The following NHSL2 variants were observed in gnomAD, a reference collection of about 807,000 sequenced individuals.
The protein encoded by NHSL2 is NHS-like protein 2.
A neutral mutation model predicts 53.4 loss-of-function variants in NHSL2; 27 were observed. That is an observed-to-expected ratio of 0.51 (90% CI 0.37 to 0.70). The LOEUF (loss-of-function observed/expected upper bound fraction) is 0.70. Ranked by LOEUF, NHSL2 falls within the 30% of genes least tolerant of loss-of-function variation. The probability of loss-of-function intolerance (pLI) is 0.00; values close to 1 mark genes in which losing one functional copy is unlikely to be tolerated. For synonymous variants in NHSL2, 408 were observed against 404.1 expected (o/e 1.01, Z -0.12); for missense variants, 892 against 980.1 (o/e 0.91, Z 1.20).
intron 1 of NHSL2, among the ~76,000 whole-genome samples, chrX:72,085,113 C>T (rs913423210): frequency 9.0e-6 from 1 of 111,400 alleles, no homozygotes; most frequent in Non-Finnish European, 1.9e-5. Flanking sequence ...AATTATTGTC[C>T]TCACCCTAAA....
rs750228555 is a variant in NHSL2, at chrX:71,930,328, G to A, written c.280+18961G>A. Among the ~76,000 whole-genome samples, 5 of 112,216 alleles carry A rather than the reference G, an allele frequency of 4.5e-5. No individual in the cohort carries two copies. The Admixed American group carries it at 4.7e-4, about 11-fold the overall frequency. On this transcript the variant is annotated intron_variant, in intron 1 of 7. Coordinates refer to ENST00000633930, the MANE Select transcript of NHSL2 (RefSeq NM_001013627.3). ...TGGAACACTCATTCCCCAACTCTTA[G>A]TATGACTGGCTCATTCTTAGCCTTT...
chrX:71,951,146 C>T (rs1313215580), intron 1 of NHSL2, among the ~76,000 whole-genome samples: 2 of 110,476 alleles, frequency 1.8e-5, no homozygotes, highest in Non-Finnish European at 3.8e-5. Context: ...ATTTTATTTG[C>T]AAATTGACAA....
At chrX:72,117,903 G>A (rs1326039213) in intron 1 of NHSL2, among the ~76,000 whole-genome samples, 1 of 107,568 alleles carries the variant, frequency 9.3e-6, no homozygotes, top group Non-Finnish European at 1.9e-5. Context: ...CCACTTGTTG[G>A]GTATGGTGAA....
chrX:72,131,026 G>A lies in NHSL2; in HGVS notation c.281-1053G>A, dbSNP rs1211871063. 3.3e-6 allele frequency: 4 copies of A among 1,208,670 alleles called. No homozygotes were observed. In the East Asian group the frequency reaches 8.9e-5, roughly 27 times the overall value. Reference sequence around the variant, plus strand: ...ATGAACCTCATGGTCGGCTATGAAGGTCTCTAGCTGCATCAGGAATTCAGC... The same window carrying A: ...ATGAACCTCATGGTCGGCTATGAAGATCTCTAGCTGCATCAGGAATTCAGC... On this transcript the variant is annotated intron_variant, in intron 1 of 7. Coordinates refer to ENST00000633930, the MANE Select transcript of NHSL2 (RefSeq NM_001013627.3).
chrX:72,113,435 G>C (rs984285230), intron 1 of NHSL2, among the ~76,000 whole-genome samples: 1 of 111,710 alleles, frequency 9.0e-6, no homozygotes, highest in African/African-American at 3.3e-5. Flanking sequence ...AGGTTCAAGA[G>C]GCCAAAGAGG....
intron 1 of NHSL2, among the ~76,000 whole-genome samples, chrX:71,990,060 CAT>C (rs1269160211): frequency 2.7e-5 from 3 of 112,423 alleles, no homozygotes; most frequent in African/African-American, 9.7e-5. Flanking sequence ...GTCATAGACA[CAT>C]GTGGGAAATT....
rs144214251 is a variant in NHSL2, at chrX:72,140,637, G to A, written c.3089G>A (p.Arg1030Lys). ...AQMEAYVAEPRLPLSPIITLE... is the reference protein window; with the variant it reads ...AQMEAYVAEPKLPLSPIITLE... The stretch of plus-strand genomic sequence containing the variant: ...ATGGAGGCCTATGTGGCAGAACCAA[G>A]GCTGCCTCTCAGCCCCATCATCACC... Residue 1030 changes from arginine to lysine, a missense_variant, in exon 6 of 8, where the codon AGG (arginine) becomes AAG (lysine). Transcript: ENST00000633930. 91 of 1,210,679 alleles carry A rather than the reference G, an allele frequency of 7.5e-5. No homozygotes were observed. The African/African-American group carries it at 1.3e-3, about 18-fold the overall frequency.
chrX:71,964,029 A>ATATATATATG (rs1556312371), intron 1 of NHSL2, among the ~76,000 whole-genome samples: 2 of 32,070 alleles, frequency 6.2e-5, no homozygotes, highest in African/African-American at 3.6e-4. Context: ...ATATATGTGT[A>ATATATATATG]TATATATATA....
At chrX:72,058,342 T>A (rs894017927) in intron 1 of NHSL2, among the ~76,000 whole-genome samples, 8 of 111,831 alleles carry the variant, frequency 7.2e-5, no homozygotes, top group East Asian at 2.8e-4. Flanking sequence ...TCTTTTTTTT[T>A]AAATTGTTAT....
chrX:72,091,767 A>G (rs2041901875), intron 1 of NHSL2, among the ~76,000 whole-genome samples: 1 of 111,230 alleles, frequency 9.0e-6, no homozygotes. Context: ...GGTGTCTAGC[A>G]GCACTCCAGG....
chrX:71,963,974 C>CATATATACACATATATATATATACATAT (rs2041881864), intron 1 of NHSL2, among the ~76,000 whole-genome samples: 1 of 47,968 alleles, frequency 2.1e-5, no homozygotes, highest in Non-Finnish European at 3.4e-5. Flanking sequence ...TATATATATA[C>CATATATACACATATATATATATACATAT]ATATATATAT....
intron 1 of NHSL2, among the ~76,000 whole-genome samples, chrX:71,991,818 TTCTCTCTC>T (rs59851052): frequency 3.9e-3 from 388 of 98,634 alleles, no homozygotes; most frequent in Middle Eastern, 5.1e-3. Context: ...GTCTTTCTCT[TTCTCTCTC>T]TCTCTCTCTC....
intron 1 of NHSL2, among the ~76,000 whole-genome samples, chrX:72,030,107 C>T (rs940392049): frequency 8.9e-6 from 1 of 112,218 alleles, no homozygotes; most frequent in Non-Finnish European, 1.9e-5. Flanking sequence ...AATGATCTGC[C>T]GAATAATGAG....
intron 1 of NHSL2, among the ~76,000 whole-genome samples, chrX:72,047,790 TC>T (rs1273721245): frequency 5.4e-5 from 6 of 110,952 alleles, no homozygotes; most frequent in African/African-American, 2.0e-4. Flanking sequence ...GACTGCCCAG[TC>T]AGTTCAGATC....
intron 1 of NHSL2, among the ~76,000 whole-genome samples, chrX:71,924,335 G>C (rs1384054937): frequency 9.0e-6 from 1 of 111,369 alleles, no homozygotes; most frequent in African/African-American, 3.3e-5. Context: ...TCCTGTTTAC[G>C]GCCCTCTCTG....
Position 71,935,324 on chromosome X carries a change from G to A in NHSL2, c.280+23957G>A, listed in dbSNP as rs893297116. Among the ~76,000 whole-genome samples, 4 of 112,577 alleles carry A rather than the reference G, an allele frequency of 3.6e-5. No individual in the cohort carries two copies. In the East Asian group the frequency reaches 1.1e-3, roughly 31 times the overall value. On this transcript the variant is annotated intron_variant, in intron 1 of 7. Transcript: ENST00000633930. ...GGGTCAGCAGCAATGAGTGACCTAG[G>A]TGGTCTGAAGGGCCTTTTATCCTAT...
At chrX:72,118,896 A>G (rs1434433494) in intron 1 of NHSL2, among the ~76,000 whole-genome samples, 1 of 111,958 alleles carries the variant, frequency 8.9e-6, no homozygotes, top group Non-Finnish European at 1.9e-5. Context: ...TATGTTTTAT[A>G]GTTTTAGCCA....
intron 1 of NHSL2, among the ~76,000 whole-genome samples, chrX:72,029,933 G>A (rs2042206055): frequency 9.0e-6 from 1 of 111,701 alleles, no homozygotes; most frequent in Non-Finnish European, 1.9e-5. Context: ...AAGTCTGATT[G>A]TTTGAGGAGA....
chrX:72,072,615 C>T (rs1457181732), intron 1 of NHSL2, among the ~76,000 whole-genome samples: 1 of 112,007 alleles, frequency 8.9e-6, no homozygotes, highest in Non-Finnish European at 1.9e-5. Context: ...GCTATCTTCT[C>T]CTGACAGTTT....
Sources: allele counts gnomAD v4.1 joint callset (sites outside exome capture counted in the v4.1 genomes callset), GRCh38; gene constraint gnomAD v4.1.1; transcripts MANE v1.5; gene names NCBI Gene and HGNC (gene_info 2026-07-23, HGNC 2026-07-21).